Variants in SCFD2 observed in about 807,000 individuals in gnomAD.
The protein encoded by SCFD2 is sec1 family domain containing 2.
SCFD2 carries 54 observed loss-of-function variants against 58.9 expected under a neutral mutation model. The ratio of observed to expected loss-of-function variants is 0.92; its 90% CI spans 0.74 to 1.15. SCFD2 has a LOEUF of 1.15. Among genes scored for constraint, SCFD2 ranks in the 50% most tolerant of loss-of-function variants. The pLI, the probability that SCFD2 is intolerant of heterozygous loss-of-function variation, is 0.00. For synonymous variants in SCFD2, 321 were observed against 335.9 expected (o/e 0.96, Z 0.49); for missense variants, 805 against 836.6 (o/e 0.96, Z 0.47).
At chr4:53,217,587 T>A (rs1728892337) in intron 4 of SCFD2, among the ~76,000 whole-genome samples, 1 of 152,220 alleles carries the variant, frequency 6.6e-6, no homozygotes, top group African/African-American at 2.4e-5. Context: ...GGGTCTTGAC[T>A]CTTTATCCAA....
chr4:53,335,477 G>A (rs1026666941), intron 2 of SCFD2, among the ~76,000 whole-genome samples: 3 of 152,138 alleles, frequency 2.0e-5, no homozygotes, highest in African/African-American at 7.2e-5. Context: ...ATATTATTGA[G>A]ACAAATGGTG....
intron 5 of SCFD2, among the ~76,000 whole-genome samples, chr4:53,093,781 T>G (rs568842307): frequency 2.4e-4 from 36 of 152,130 alleles, no homozygotes; most frequent in Non-Finnish European, 4.6e-4. Flanking sequence ...TGTGTGTGTG[T>G]AGAGATGTAT....
chr4:53,258,736 G>T (rs1730737206), intron 4 of SCFD2, among the ~76,000 whole-genome samples: 1 of 151,800 alleles, frequency 6.6e-6, no homozygotes, highest in Non-Finnish European at 1.5e-5. Context: ...CCTCTGGGTA[G>T]ATACCTAGTA....
chr4:52,952,811 T>C (rs1720631295), intron 5 of SCFD2, among the ~76,000 whole-genome samples: 1 of 152,190 alleles, frequency 6.6e-6, no homozygotes, highest in Non-Finnish European at 1.5e-5. Flanking sequence ...ATTCCCTAAA[T>C]GTCACTTACC....
intron 1 of SCFD2, among the ~76,000 whole-genome samples, chr4:53,356,236 C>A (rs1378004184): frequency 3.3e-5 from 5 of 152,146 alleles, no homozygotes; most frequent in South Asian, 4.1e-4. Context: ...AGCCAGTGAT[C>A]CAAAAGAACA....
intron 4 of SCFD2, among the ~76,000 whole-genome samples, chr4:53,248,765 G>T (rs182416220): frequency 7.9e-5 from 12 of 152,128 alleles, no homozygotes; most frequent in African/African-American, 1.4e-4. Context: ...GAAGGAAAAC[G>T]AACAAACAGA....
chr4:53,120,017 AGGGTTCTTGTTT>A (rs1376586486), intron 5 of SCFD2, among the ~76,000 whole-genome samples: 33 of 152,328 alleles, frequency 2.2e-4, no homozygotes, highest in Middle Eastern at 6.8e-3. Flanking sequence ...GCATACCTGA[AGGGTTCTTGTTT>A]CACCAAATCC....
intron 5 of SCFD2, among the ~76,000 whole-genome samples, chr4:53,015,549 G>A (rs1340359953): frequency 6.6e-6 from 1 of 152,152 alleles, no homozygotes; most frequent in African/African-American, 2.4e-5. Flanking sequence ...TCATCAGGCG[G>A]TTCAGATAAG....
chr4:52,887,793 G>A (rs1318310741), intron 7 of SCFD2, among the ~76,000 whole-genome samples: 1 of 152,080 alleles, frequency 6.6e-6, no homozygotes, highest in Non-Finnish European at 1.5e-5. Flanking sequence ...TGGGGGAGGA[G>A]CAGGTCAAGA....
intron 5 of SCFD2, among the ~76,000 whole-genome samples, chr4:53,100,675 TC>T (rs938437595): frequency 6.6e-6 from 1 of 152,126 alleles, no homozygotes; most frequent in Non-Finnish European, 1.5e-5. Flanking sequence ...CACATAAGGC[TC>T]CCTATGGAAT....
intron 5 of SCFD2, among the ~76,000 whole-genome samples, chr4:53,136,324 C>A (rs1725940346): frequency 6.6e-6 from 1 of 152,118 alleles, no homozygotes; most frequent in Non-Finnish European, 1.5e-5. Flanking sequence ...CCTTTTGTGG[C>A]CTCAATTAAC....
chr4:52,979,642 T>C (rs1382785274), intron 5 of SCFD2, among the ~76,000 whole-genome samples: 1 of 152,158 alleles, frequency 6.6e-6, no homozygotes, highest in African/African-American at 2.4e-5. Flanking sequence ...TTTGAGTTAA[T>C]TGGGATTAAC....
chr4:52,971,863 A>G (rs1008287171), intron 5 of SCFD2, among the ~76,000 whole-genome samples: 1 of 152,156 alleles, frequency 6.6e-6, no homozygotes, highest in Non-Finnish European at 1.5e-5. Context: ...GCCAATATTC[A>G]ACATTCTTAA....
intron 5 of SCFD2, among the ~76,000 whole-genome samples, chr4:53,041,095 G>A (rs941575276): frequency 1.3e-5 from 2 of 152,168 alleles, no homozygotes; most frequent in African/African-American, 4.8e-5. Flanking sequence ...GCATATCCGT[G>A]CCATATGGGC....
At chr4:53,283,992 G>T (rs1267226119) in intron 3 of SCFD2, among the ~76,000 whole-genome samples, 8 of 151,248 alleles carry the variant, frequency 5.3e-5, no homozygotes, top group African/African-American at 1.5e-4. Context: ...GGTGGCGGGC[G>T]CCTGTAGTCC....
intron 5 of SCFD2, among the ~76,000 whole-genome samples, chr4:52,984,679 C>G (rs1275982708): frequency 6.6e-6 from 1 of 152,174 alleles, no homozygotes; most frequent in Non-Finnish European, 1.5e-5. Flanking sequence ...TCATCAACGA[C>G]AAATCCTTAG....
chr4:53,143,222 A>G (rs1726220986), intron 5 of SCFD2, among the ~76,000 whole-genome samples: 1 of 152,222 alleles, frequency 6.6e-6, no homozygotes, highest in African/African-American at 2.4e-5. Flanking sequence ...AAAGTACCAT[A>G]GCAACATATA....
chr4:53,362,220 C>G (rs1734566585), intron 1 of SCFD2, among the ~76,000 whole-genome samples: 1 of 152,010 alleles, frequency 6.6e-6, no homozygotes, highest in African/African-American at 2.4e-5. Flanking sequence ...AGAAGAACAT[C>G]CCAAGCAGAG....
At position 53,237,254 on chromosome 4, in the gene SCFD2, C is replaced by T. The variant is rs995101169; in HGVS notation, c.1311+36572G>A. Among the ~76,000 whole-genome samples the T allele has an allele frequency of 4.0e-5, 6 of 149,036 alleles. No individual in the cohort carries two copies. The East Asian group carries it at 7.9e-4, about 20-fold the overall frequency. On this transcript the variant is annotated intron_variant, in intron 4 of 8. Coordinates refer to ENST00000401642, the MANE Select transcript of SCFD2 (RefSeq NM_152540.4). ...ATGTCTACTTCTTTCTACACAGACA[C>T]GGCAACCATCCGATTTCTCAATCTT... is the stretch of plus-strand genomic sequence containing the variant.
Sources: allele counts gnomAD v4.1 joint callset (sites outside exome capture counted in the v4.1 genomes callset), GRCh38; gene constraint gnomAD v4.1.1; transcripts MANE v1.5; gene names NCBI Gene and HGNC (gene_info 2026-07-23, HGNC 2026-07-21).